The following RBM45 variants were observed in gnomAD, a reference collection of about 807,000 sequenced individuals.
RBM45 encodes RNA-binding protein 45.
RBM45 carries 39 observed loss-of-function variants against 58.5 expected under a neutral mutation model. That is an observed-to-expected ratio of 0.67 (90% confidence interval 0.52 to 0.87). The LOEUF is 0.87. Ranked by LOEUF, RBM45 falls within the 40% of genes least tolerant of loss-of-function variation. The probability of loss-of-function intolerance (pLI) is 0.00; values close to 1 mark genes in which losing one functional copy is unlikely to be tolerated. For synonymous variants in RBM45, 193 were observed against 203.0 expected (o/e 0.95, Z 0.42); for missense variants, 481 against 581.6 (o/e 0.83, Z 1.78).
At chr2:178,138,454 T>A (rs2088062406) in exon 4 of RBM45, 1 of 152,130 alleles carries the variant, frequency 6.6e-6, no homozygotes, top group Non-Finnish European at 1.5e-5. Flanking sequence ...ATCTAAAAAA[T>A]TTTAAAAGTC....
chr2:178,132,596 G>GTTTC (rs958354576), downstream of RBM45, among the ~76,000 whole-genome samples: 1 of 152,034 alleles, frequency 6.6e-6, no homozygotes, highest in Non-Finnish European at 1.5e-5. Context: ...TTGTTTGTTT[G>GTTTC]TTTGTTTGTT....
intron 3 of RBM45, among the ~76,000 whole-genome samples, chr2:178,118,790 T>C (rs1432109268): frequency 6.6e-6 from 1 of 152,188 alleles, no homozygotes; most frequent in East Asian, 1.9e-4. Flanking sequence ...TGTAGAGTAA[T>C]TAAATTACTG....
chr2:178,123,697 A>G (rs2087887728), intron 6 of RBM45, 46 bp downstream of exon 6: 3 of 1,588,384 alleles, frequency 1.9e-6, no homozygotes, highest in Non-Finnish European at 2.6e-6. Flanking sequence ...TTGAGTGTAC[A>G]TGATTGATAG....
In RBM45 at chr2:178,112,750, T is replaced by C. The variant is rs1357360639; in HGVS notation, c.204T>C (p.Ile68=). Residue 68 remains isoleucine (I), a synonymous_variant, in exon 1 of 10, where the codon ATT becomes ATC. Coordinates refer to ENST00000286070, the MANE Select transcript of RBM45 (RefSeq NM_152945.4). Reference sequence around the variant, plus strand: ...AGCACACCAAGGAGTCCAAGGGCATTGCTTTCGTCAAGTTCGCCCGCAGCT... The same window carrying C: ...AGCACACCAAGGAGTCCAAGGGCATCGCTTTCGTCAAGTTCGCCCGCAGCT... The part of the protein sequence containing the change: ...RDKHTKESKG[I]AFVKFARSSQ... 2 of 1,613,950 alleles carry C rather than the reference T, an allele frequency of 1.2e-6. No homozygotes were observed. Among genetic ancestry groups the C allele is most frequent in the Admixed American group, 1.7e-5 (1 of 60,010 alleles).
At chr2:178,134,267 T>C (rs2088027790), downstream of RBM45, among the ~76,000 whole-genome samples, 1 of 152,138 alleles carries the variant, frequency 6.6e-6, no homozygotes, top group African/African-American at 2.4e-5. Flanking sequence ...TTTTAAACAG[T>C]TGTTTGTATA....
intron 3 of RBM45, among the ~76,000 whole-genome samples, chr2:178,119,958 T>C (rs2087827121): frequency 6.6e-6 from 1 of 152,184 alleles, no homozygotes; most frequent in African/African-American, 2.4e-5. Context: ...ACAGGTTAAA[T>C]ATAAAGAAGC....
rs975429416 is a variant in RBM45, at chr2:178,123,699, G to T, written c.983+48G>T. On this transcript the variant is annotated intron_variant, in intron 6 of 9. Transcript: ENST00000286070. ...CTAAAGCCGAGCTTTGAGTGTACAT[G>T]ATTGATAGGACTTGAAGAATAAAAA... 35 of 1,587,822 alleles carry T rather than the reference G, an allele frequency of 2.2e-5. No homozygotes were observed. The Admixed American group carries it at 5.7e-4, about 26-fold the overall frequency.
At chr2:178,130,655 G>A (rs1665104656), downstream of RBM45, among the ~76,000 whole-genome samples, 1 of 152,120 alleles carries the variant, frequency 6.6e-6, no homozygotes, top group South Asian at 2.1e-4. Flanking sequence ...TCTAAATCAA[G>A]CATTTGGCAC....
chr2:178,126,576 T>C (rs1574414675), intron 9 of RBM45, among the ~76,000 whole-genome samples: 1 of 152,316 alleles, frequency 6.6e-6, no homozygotes, highest in Non-Finnish European at 1.5e-5. Context: ...ATTGAGGTAA[T>C]TTATAACAGT....
intron 8 of RBM45, 25 bp from the exon 9 acceptor site, chr2:178,125,959 G>T (rs896878971): frequency 6.2e-7 from 1 of 1,603,016 alleles, no homozygotes; most frequent in Non-Finnish European, 8.5e-7. Flanking sequence ...AATTTTGGTT[G>T]ATTATTTTTT....
chr2:178,134,874 G>A (rs745740190), intron 3 of RBM45, among the ~76,000 whole-genome samples: 8 of 148,806 alleles, frequency 5.4e-5, no homozygotes, highest in Non-Finnish European at 1.0e-4. Flanking sequence ...TGTAATCCCA[G>A]CTACTAAGGA....
chr2:178,136,926 GTAAC>G (rs1352203401), exon 4 of RBM45: 1 of 152,196 alleles, frequency 6.6e-6, no homozygotes, highest in Non-Finnish European at 1.5e-5. Context: ...TGTGAAATAA[GTAAC>G]TAAATGGGCA....
At chr2:178,131,643 A>G (rs922662786), downstream of RBM45, among the ~76,000 whole-genome samples, 5 of 152,214 alleles carry the variant, frequency 3.3e-5, no homozygotes, top group African/African-American at 7.2e-5. Context: ...TATAAATTCT[A>G]AAGAGATCAT....
intron 9 of RBM45, among the ~76,000 whole-genome samples, chr2:178,128,200 G>A (rs991127516): frequency 2.0e-5 from 3 of 151,566 alleles, no homozygotes; most frequent in African/African-American, 4.9e-5. Flanking sequence ...GGGTTTTGCC[G>A]TGTTGCCCAG....
chr2:178,120,531 G>A, intron 4 of RBM45, 122 bp downstream of exon 4: 2 of 870,518 alleles, frequency 2.3e-6, no homozygotes, highest in Non-Finnish European at 1.6e-6. Context: ...AATCTTAAAT[G>A]TAGTTTTTTT....
At chr2:178,113,134 C>T (rs1296732156) in intron 1 of RBM45, among the ~76,000 whole-genome samples, 1 of 152,184 alleles carries the variant, frequency 6.6e-6, no homozygotes, top group Non-Finnish European at 1.5e-5. Flanking sequence ...GGCTTCCCCT[C>T]TCCCTCGCCC....
Position 178,126,034 on chromosome 2 carries a change from G to A in RBM45, c.1283G>A (p.Gly428Glu), listed in dbSNP as rs2087924793. 9 of 1,613,812 alleles carry A rather than the reference G, an allele frequency of 5.6e-6. No individual in the cohort carries two copies. The highest frequency in any genetic ancestry group is 2.2e-5 in the East Asian group (1 of 44,848). ...EVYLVSGKNV[G>E]YAKYADRISA... ...TACCTTGTGTCAGGAAAAAATGTGGGGTATGCCAAGTATGCCGATAGAATA... is the reference window on the plus strand; with the variant it reads ...TACCTTGTGTCAGGAAAAAATGTGGAGTATGCCAAGTATGCCGATAGAATA... Residue 428 changes from glycine to glutamate, a missense_variant, in exon 9 of 10, where the codon GGG (glycine) becomes GAG (glutamate). By Grantham distance (98) the Gly-to-Glu change is moderately conservative (BLOSUM62 -2). Coordinates refer to ENST00000286070, the MANE Select transcript of RBM45 (RefSeq NM_152945.4).
At chr2:178,137,801 T>G (rs2088056846) in exon 4 of RBM45, 1 of 152,152 alleles carries the variant, frequency 6.6e-6, no homozygotes, top group Non-Finnish European at 1.5e-5. Flanking sequence ...TCAATTAAAG[T>G]TTTTCTTTCT....
chr2:178,134,586 T>G (rs991672970), downstream of RBM45, among the ~76,000 whole-genome samples: 2 of 152,180 alleles, frequency 1.3e-5, no homozygotes, highest in Non-Finnish European at 1.5e-5. Context: ...TTTTGTTGTT[T>G]TTTTATGCCA....
Sources: gnomAD v4.1 joint callset for allele counts (sites outside exome capture counted in the v4.1 genomes callset) on GRCh38, gnomAD v4.1.1 for gene constraint, MANE v1.5 for transcripts, NCBI Gene and HGNC (gene_info 2026-07-23, HGNC 2026-07-21) for gene names.